Variants in CNTN6 observed in about 807,000 individuals in gnomAD.
CNTN6 encodes the protein contactin-6.
Under a neutral mutation model 122.8 loss-of-function variants are expected in CNTN6, and 137 were observed. The observed-to-expected ratio is 1.12, with a 90% CI of 0.97 to 1.29. The LOEUF (loss-of-function observed/expected upper bound fraction) is 1.29, where lower values mean the gene tolerates loss of function less well. Ranked by LOEUF, CNTN6 falls within the 50% of genes most tolerant of loss-of-function variation. The probability of loss-of-function intolerance (pLI) is 0.00; values close to 1 mark genes in which losing one functional copy is unlikely to be tolerated. For synonymous variants in CNTN6, 570 were observed against 426.0 expected, an observed-to-expected ratio of 1.34 and a Z score of -4.16; for missense variants, 1,634 against 1,223.4, an observed-to-expected ratio of 1.34 and a Z score of -5.01.
chr3:1,346,538 T>C (rs1575798866), intron 11 of CNTN6, among the ~76,000 whole-genome samples: 1 of 152,116 alleles, frequency 6.6e-6, no homozygotes, highest in Non-Finnish European at 1.5e-5. Flanking sequence ...CCTCTTGCCA[T>C]GTGACCTCTT....
chr3:1,352,355 A>T lies in CNTN6; in HGVS notation c.1396A>T (p.Ile466Leu). 1 of 1,564,018 alleles carries T rather than the reference A, an allele frequency of 6.4e-7. No individual in the cohort carries two copies. The change falls in exon 12 of 23, where the codon ATA becomes TTA. Residue 466 changes from isoleucine (I) to leucine (L), a missense_variant. Physicochemically the swap from Ile to Leu is conservative, Grantham distance 5. Coordinates refer to ENST00000446702, the MANE Select transcript of CNTN6 (RefSeq NM_001289080.2). ...IFLLEDGSLK[I>L]YNITRSDAGS... The stretch of plus-strand genomic sequence containing the variant: ...TCTCTTGGAGGATGGCAGCCTCAAG[A>T]TATATAATATTACCAGGTCAGATGC...
intron 2 of CNTN6, among the ~76,000 whole-genome samples, chr3:1,151,799 G>T (rs930989480): frequency 6.6e-6 from 1 of 152,056 alleles, no homozygotes; most frequent in African/African-American, 2.4e-5. Context: ...TGGTTTTGAG[G>T]TTGAGTTAGT....
At chr3:1,266,527 C>A (rs547135563) in intron 4 of CNTN6, among the ~76,000 whole-genome samples, 1 of 152,154 alleles carries the variant, frequency 6.6e-6, no homozygotes, top group East Asian at 1.9e-4. Flanking sequence ...AGCATTAAGA[C>A]CTTTACCCAG....
At chr3:1,135,365 G>T (rs1574974270) in intron 1 of CNTN6, among the ~76,000 whole-genome samples, 1 of 152,254 alleles carries the variant, frequency 6.6e-6, no homozygotes, top group East Asian at 1.9e-4. Context: ...ATGGGTTGAT[G>T]GAAGAGAAGG....
chr3:1,382,632 AGTGT>A (rs1409798640), intron 17 of CNTN6, among the ~76,000 whole-genome samples: 5 of 152,200 alleles, frequency 3.3e-5, no homozygotes, highest in African/African-American at 4.8e-5. Context: ...ACCACATTTG[AGTGT>A]GTATCATAAA....
intron 1 of CNTN6, among the ~76,000 whole-genome samples, chr3:1,141,434 C>T (rs1053926355): frequency 1.3e-5 from 2 of 152,098 alleles, no homozygotes; most frequent in African/African-American, 4.8e-5. Flanking sequence ...AAACTAAATC[C>T]ACACCAGTAA....
intron 4 of CNTN6, among the ~76,000 whole-genome samples, chr3:1,264,392 C>T (rs1490047730): frequency 6.6e-6 from 1 of 152,048 alleles, no homozygotes; most frequent in Non-Finnish European, 1.5e-5. Flanking sequence ...GCAAGCAGTT[C>T]ACCTCTTTGT....
rs1336690528 is a variant in CNTN6, at chr3:1,320,472, C to T, written c.762-1178C>T. On this transcript the variant is annotated intron_variant, in intron 7 of 22. Coordinates refer to ENST00000446702, the MANE Select transcript of CNTN6 (RefSeq NM_001289080.2). ...TCAAACTCTCCAAATCTTTATTTGC[C>T]AAGCACTTTGCATGTAGTTGGATGA... Among the ~76,000 whole-genome samples the T allele has an allele frequency of 2.0e-5, 3 of 151,828 alleles. No individual in the cohort carries two copies. In the East Asian group the frequency reaches 5.8e-4, roughly 30 times the overall value.
intron 4 of CNTN6, among the ~76,000 whole-genome samples, chr3:1,262,466 T>G (rs892523806): frequency 1.3e-5 from 2 of 152,166 alleles, no homozygotes; most frequent in Non-Finnish European, 2.9e-5. Flanking sequence ...TTCCCAGATA[T>G]GCCTCCTGCA....
intron 17 of CNTN6, among the ~76,000 whole-genome samples, chr3:1,379,046 G>A (rs942001805): frequency 6.6e-6 from 1 of 152,060 alleles, no homozygotes; most frequent in African/African-American, 2.4e-5. Context: ...AGGAAGTTTT[G>A]CCTGACTTAA....
chr3:1,329,102 CGTATATAT>C (rs778929217), intron 10 of CNTN6, among the ~76,000 whole-genome samples: 44 of 150,592 alleles, frequency 2.9e-4, no homozygotes, highest in Non-Finnish European at 4.7e-4. Flanking sequence ...TGTGTATATA[CGTATATAT>C]GTATATGTGT....
At chr3:1,324,135 G>C (rs1051815184) in intron 8 of CNTN6, among the ~76,000 whole-genome samples, 1 of 149,312 alleles carries the variant, frequency 6.7e-6, no homozygotes, top group Non-Finnish European at 1.5e-5. Context: ...GTCCCTCAAG[G>C]CTGCAGGAAG....
chr3:1,232,787 A>G (rs191836798), intron 4 of CNTN6, among the ~76,000 whole-genome samples: 1 of 152,328 alleles, frequency 6.6e-6, no homozygotes, highest in African/African-American at 2.4e-5. Context: ...AGAAGTAGTG[A>G]AGTTTGTCTG....
chr3:1,334,942 A>C (rs959572280), intron 11 of CNTN6, among the ~76,000 whole-genome samples: 1 of 152,142 alleles, frequency 6.6e-6, no homozygotes, highest in Admixed American at 6.6e-5. Flanking sequence ...TCATTCTGCA[A>C]ATATTTGCTG....
At chr3:1,285,061 G>T (rs1694105506) in intron 5 of CNTN6, among the ~76,000 whole-genome samples, 1 of 152,162 alleles carries the variant, frequency 6.6e-6, no homozygotes, top group South Asian at 2.1e-4. Flanking sequence ...ATTTACTCTG[G>T]ATAGTAGACC....
intron 20 of CNTN6, among the ~76,000 whole-genome samples, chr3:1,390,299 C>A (rs1323969568): frequency 6.6e-6 from 1 of 151,988 alleles, no homozygotes; most frequent in East Asian, 1.9e-4. Context: ...ACAACCTGCT[C>A]CTGAATGACT....
chr3:1,400,473 ATC>A (rs1695546621), intron 20 of CNTN6, among the ~76,000 whole-genome samples: 1 of 146,318 alleles, frequency 6.8e-6, no homozygotes, highest in Non-Finnish European at 1.5e-5. Context: ...ATCTCCCACC[ATC>A]TCTCACGCAG....
intron 2 of CNTN6, among the ~76,000 whole-genome samples, chr3:1,203,651 T>C (rs921960546): frequency 1.3e-5 from 2 of 152,202 alleles, no homozygotes; most frequent in African/African-American, 2.4e-5. Context: ...GCGTGGTTGA[T>C]GGACTGGCAT....
At chr3:1,173,951 CTG>C (rs929816328) in intron 2 of CNTN6, among the ~76,000 whole-genome samples, 7 of 152,000 alleles carry the variant, frequency 4.6e-5, no homozygotes, top group African/African-American at 1.7e-4. Context: ...CTCCAATACA[CTG>C]TGATTTTCTG....
Sources: allele counts gnomAD v4.1 joint callset (sites outside exome capture counted in the v4.1 genomes callset), GRCh38; gene constraint gnomAD v4.1.1; transcripts MANE v1.5; gene names NCBI Gene and HGNC (gene_info 2026-07-23, HGNC 2026-07-21).